SCAPER: variants seen among roughly 807,000 people sequenced by gnomAD.
The protein encoded by SCAPER is S-phase cyclin A associated protein in the ER.
SCAPER carries 98 observed loss-of-function variants against 182.2 expected under a neutral mutation model. That is an observed-to-expected ratio of 0.54 (90% confidence interval 0.46 to 0.64). SCAPER has a LOEUF of 0.64. SCAPER is among the 30% of genes least tolerant of loss of function. The pLI is 0.00. For synonymous variants in SCAPER, 605 were observed against 564.6 expected, an observed-to-expected ratio of 1.07 and a Z score of -1.01; for missense variants, 1,432 against 1,690.0, an observed-to-expected ratio of 0.85 and a Z score of 2.68.
chr15:76,734,116 A>G (rs1189412282), intron 15 of SCAPER, among the ~76,000 whole-genome samples: 1 of 152,260 alleles, frequency 6.6e-6, no homozygotes, highest in Non-Finnish European at 1.5e-5. Context: ...TGTAAAATAA[A>G]CAACAAATTA....
rs1235044814 is a variant in SCAPER at position 76,701,863 on chromosome 15, G to T, written c.2403C>A (p.Ile801=). 1.2e-6 allele frequency: 2 copies of T among 1,610,192 alleles called. No homozygotes were observed. Among genetic ancestry groups the T allele is most frequent in the Admixed American group, 3.3e-5 (2 of 59,902 alleles). The change falls in exon 20 of 32, where the codon ATC becomes ATA. Residue 801 remains isoleucine, a splice_region_variant and synonymous_variant. Transcript: ENST00000563290. The part of the protein sequence containing the change: ...KKQCSLCNVL[I]SSEVYLFSHV... ...GGCTAAAAAGATATACCTCTGAAGA[G>T]ATCTGAAAGCACAAAATCAAAGCAA...
intron 17 of SCAPER, among the ~76,000 whole-genome samples, chr15:76,724,829 A>C (rs1043610479): frequency 1.3e-5 from 2 of 151,984 alleles, no homozygotes; most frequent in Admixed American, 6.6e-5. Flanking sequence ...CCATTCGTCT[A>C]ATTTTTTTTC....
intron 22 of SCAPER, among the ~76,000 whole-genome samples, chr15:76,621,562 T>G (rs3743173): frequency 6.6e-6 from 1 of 152,184 alleles, no homozygotes; most frequent in Non-Finnish European, 1.5e-5. Context: ...CAGCCCCAAG[T>G]TGTGCTCACA....
intron 1 of SCAPER, among the ~76,000 whole-genome samples, chr15:76,902,448 T>G (rs1299145693): frequency 6.6e-6 from 1 of 151,506 alleles, no homozygotes; most frequent in African/African-American, 2.4e-5. Flanking sequence ...TTTACCCATG[T>G]AACAAATCTA....
chr15:76,672,762 C>G (rs1462305304), intron 20 of SCAPER, among the ~76,000 whole-genome samples: 1 of 151,894 alleles, frequency 6.6e-6, no homozygotes, highest in Non-Finnish European at 1.5e-5. Context: ...GAGAAAAGAT[C>G]AAATATTAAA....
chr15:76,426,666 ATC>A (rs146857181), intron 26 of SCAPER, among the ~76,000 whole-genome samples: 4,511 of 152,270 alleles, frequency 0.03, 212 homozygotes, highest in African/African-American at 0.097. Flanking sequence ...ATTTAATGCA[ATC>A]TCTGTCGGAA....
chr15:76,760,763 C>G (rs1169713032), intron 14 of SCAPER, among the ~76,000 whole-genome samples: 1 of 152,156 alleles, frequency 6.6e-6, no homozygotes, highest in Admixed American at 6.5e-5. Context: ...CTGTTGGGAA[C>G]CAGGGTCAAA....
chr15:76,394,059 T>C (rs2043884695), intron 27 of SCAPER, among the ~76,000 whole-genome samples: 1 of 152,200 alleles, frequency 6.6e-6, no homozygotes, highest in South Asian at 2.1e-4. Flanking sequence ...TGCCACTAAA[T>C]TTTAGGGTAA....
At chr15:76,656,587 A>G (rs1567718551) in intron 21 of SCAPER, among the ~76,000 whole-genome samples, 1 of 152,134 alleles carries the variant, frequency 6.6e-6, no homozygotes, top group Admixed American at 6.6e-5. Context: ...CCAAAACAAC[A>G]TAATACACAT....
chr15:76,727,875 A>T (rs924090749), intron 17 of SCAPER, among the ~76,000 whole-genome samples: 1 of 152,070 alleles, frequency 6.6e-6, no homozygotes, highest in African/African-American at 2.4e-5. Context: ...ACCCCAATAC[A>T]GGAATGAACA....
intron 17 of SCAPER, among the ~76,000 whole-genome samples, chr15:76,710,386 ACT>A (rs1202310585): frequency 3.3e-5 from 5 of 152,266 alleles, no homozygotes; most frequent in Middle Eastern, 3.4e-3. Flanking sequence ...TAAGGACTTA[ACT>A]CCATCATAAG....
chr15:76,395,750 C>A (rs1596417223), intron 27 of SCAPER, among the ~76,000 whole-genome samples: 2 of 151,460 alleles, frequency 1.3e-5, no homozygotes, highest in South Asian at 2.1e-4. Flanking sequence ...AGTTGTTAAT[C>A]CCTTGTCAGA....
At chr15:76,568,343 G>T (rs1273742471) in intron 23 of SCAPER, among the ~76,000 whole-genome samples, 2 of 151,796 alleles carry the variant, frequency 1.3e-5, no homozygotes, top group South Asian at 4.2e-4. Flanking sequence ...ACTTGGTAGA[G>T]CAAATCTTCC....
intron 25 of SCAPER, among the ~76,000 whole-genome samples, chr15:76,447,412 C>T (rs941249773): frequency 1.3e-5 from 2 of 152,212 alleles, no homozygotes; most frequent in African/African-American, 4.8e-5. Flanking sequence ...TGGTCAGAAG[C>T]ACAGGTAAAA....
At chr15:76,695,502 CAGA>C (rs2147182986) in intron 20 of SCAPER, among the ~76,000 whole-genome samples, 1 of 149,770 alleles carries the variant, frequency 6.7e-6, no homozygotes, top group African/African-American at 2.5e-5. Context: ...GAGGCTGAGA[CAGA>C]AGAATTGCTT....
At chr15:76,733,429 A>T (rs749578306) in intron 15 of SCAPER, 45 bp from the exon 16 acceptor site, 1 of 1,584,740 alleles carries the variant, frequency 6.3e-7, no homozygotes, top group Non-Finnish European at 8.6e-7. Context: ...AGTTAATTCT[A>T]GGGCACATTA....
At chr15:76,371,854 G>T (rs1000457811) in intron 29 of SCAPER, among the ~76,000 whole-genome samples, 2 of 151,798 alleles carry the variant, frequency 1.3e-5, no homozygotes, top group Non-Finnish European at 2.9e-5. Context: ...GGAGGCGGAG[G>T]TTGTGGTGAG....
At chr15:76,476,820 T>C (rs917497732) in intron 24 of SCAPER, among the ~76,000 whole-genome samples, 1 of 152,070 alleles carries the variant, frequency 6.6e-6, no homozygotes, top group Non-Finnish European at 1.5e-5. Context: ...AACTGAGAAA[T>C]ACTGCATAGT....
chr15:76,530,790 G>T (rs901958811), intron 23 of SCAPER, among the ~76,000 whole-genome samples: 2 of 152,074 alleles, frequency 1.3e-5, no homozygotes, highest in Admixed American at 1.3e-4. Context: ...AGGAAAAAGC[G>T]AAAGGAAAGG....
Sources: allele counts gnomAD v4.1 joint callset (sites outside exome capture counted in the v4.1 genomes callset), GRCh38; gene constraint gnomAD v4.1.1; transcripts MANE v1.5; gene names NCBI Gene and HGNC (gene_info 2026-07-23, HGNC 2026-07-21).